Variants in RRH observed in about 807,000 individuals in gnomAD.
RRH encodes the protein retinal pigment epithelium-derived rhodopsin homolog.
A neutral mutation model predicts 33.1 loss-of-function variants in RRH; 36 were observed. The ratio of observed to expected loss-of-function variants is 1.09; its 90% CI spans 0.83 to 1.44. RRH has a LOEUF of 1.44. Ranked by LOEUF, RRH falls within the 40% of genes most tolerant of loss-of-function variation. The probability of loss-of-function intolerance (pLI) is 0.00; values close to 1 mark genes in which losing one functional copy is unlikely to be tolerated. For missense variants in RRH, 393 were observed against 420.2 expected (o/e 0.94, Z 0.57); for synonymous variants, 124 against 140.2 (o/e 0.88, Z 0.82).
chr4:109,833,301 G>A lies in RRH; in HGVS notation c.269G>A (p.Ser90Asn), dbSNP rs1055321752. The A allele has an allele frequency of 1.1e-5, 17 of 1,614,058 alleles. No homozygotes were observed. Among genetic ancestry groups the A allele is most frequent in the Non-Finnish European group, 1.2e-5 (14 of 1,179,966 alleles). The change falls in exon 2 of 7, where the codon AGT (serine) becomes AAT (asparagine). Residue 90 changes from serine to asparagine, a missense_variant. Physicochemically the swap from Ser to Asn is conservative, Grantham distance 46 (BLOSUM62 1). Coordinates refer to ENST00000317735, the MANE Select transcript of RRH (RefSeq NM_006583.5). ...PMSAASDLYG[S>N]WKFGYAGCQV... ...TCTGCTGCCTCAGATCTGTATGGAAGTTGGAAATTTGGATACGCAGGCTGT... is the reference window on the plus strand; with the variant it reads ...TCTGCTGCCTCAGATCTGTATGGAAATTGGAAATTTGGATACGCAGGCTGT...
rs139960740 is a variant in RRH, at chr4:109,838,809, A to G, written c.720+1204A>G. Among the ~76,000 whole-genome samples the G allele has an allele frequency of 2.8e-3, 420 of 152,224 alleles. 7 individuals carry two copies. The highest frequency in any genetic ancestry group is 9.7e-3 in the African/African-American group (403 of 41,528). On this transcript the variant is annotated intron_variant, in intron 5 of 6. Transcript: ENST00000317735. ...CTGTGGGTTCTCTCTGGAAGCTTAT[A>G]GGATCTTCTCTATGTCTCTAGTTTT...
At chr4:109,836,908 A>AG (rs1733897183) in intron 4 of RRH, among the ~76,000 whole-genome samples, 1 of 149,912 alleles carries the variant, frequency 6.7e-6, no homozygotes, top group Non-Finnish European at 1.5e-5. Context: ...AAAAAAAAAA[A>AG]AAAGCAGAGG....
At chr4:109,834,456 A>T (rs1178037594) in intron 2 of RRH, among the ~76,000 whole-genome samples, 1 of 147,800 alleles carries the variant, frequency 6.8e-6, no homozygotes, top group African/African-American at 2.5e-5. Flanking sequence ...CAGCCTCCCG[A>T]GTAGCTGGGA....
At chr4:109,839,189 AC>A (rs2125893945) in intron 5 of RRH, among the ~76,000 whole-genome samples, 2 of 151,416 alleles carry the variant, frequency 1.3e-5, no homozygotes, top group South Asian at 4.1e-4. Flanking sequence ...GTGAAGGCCA[AC>A]CCTTGGGTGC....
At position 109,837,613 on chromosome 4, in the gene RRH, A is replaced by G. The variant is rs4698795; in HGVS notation, c.720+8A>G. ...CAGATAGATGTAACAAAGGTAAGAG[A>G]TCAAAATCCTTGAAAAATTGTTGTC... is the stretch of plus-strand genomic sequence containing the variant. On this transcript the variant is annotated splice_region_variant and intron_variant, in intron 5 of 6. Transcript: ENST00000317735. 178,826 of 1,609,946 alleles carry G rather than the reference A, an allele frequency of 0.11. 10,655 individuals carry two copies. The highest frequency in any genetic ancestry group is 0.18 in the Admixed American group (10,931 of 59,824).
intron 1 of RRH, among the ~76,000 whole-genome samples, chr4:109,829,798 CA>C (rs1431867777): frequency 6.6e-6 from 1 of 152,138 alleles, no homozygotes; most frequent in Non-Finnish European, 1.5e-5. Context: ...TCAGCTTTAT[CA>C]AGGTATACAA....
intron 2 of RRH, 72 bp downstream of exon 2, chr4:109,833,401 A>G: frequency 8.3e-7 from 1 of 1,205,848 alleles, no homozygotes; most frequent in South Asian, 1.3e-5. Flanking sequence ...TCTAAAACGA[A>G]TCCCAAGAGT....
Position 109,828,128 on chromosome 4 carries a change from T to G in RRH, c.101T>G (p.Met34Arg), listed in dbSNP as rs112631694. The change falls in exon 1 of 7, where the codon ATG (methionine) becomes AGG (arginine). Residue 34 changes from methionine to arginine, a missense_variant. Met to Arg is a moderately conservative substitution (Grantham distance 91, BLOSUM62 -1). Coordinates refer to ENST00000317735, the MANE Select transcript of RRH (RefSeq NM_006583.5). The part of the protein sequence containing the change: ...EHNIVATYLI[M>R]AGMISIISNI... Reference sequence around the variant, plus strand: ...AATATTGTTGCAACTTACTTGATTATGGCAGGTATGGATATTTAAGTAAGT... The same window carrying G: ...AATATTGTTGCAACTTACTTGATTAGGGCAGGTATGGATATTTAAGTAAGT... The G allele has an allele frequency of 1.9e-6, 3 of 1,596,646 alleles. No individual in the cohort carries two copies. The highest frequency in any genetic ancestry group is 2.6e-6 in the Non-Finnish European group (3 of 1,164,322).
intron 1 of RRH, among the ~76,000 whole-genome samples, chr4:109,828,612 G>T (rs1436045038): frequency 6.6e-6 from 1 of 151,818 alleles, no homozygotes; most frequent in African/African-American, 2.4e-5. Context: ...GAACTTAAAG[G>T]TTCTGGAAAG....
At chr4:109,830,950 C>T (rs1245029289) in intron 1 of RRH, among the ~76,000 whole-genome samples, 1 of 152,134 alleles carries the variant, frequency 6.6e-6, no homozygotes, top group African/African-American at 2.4e-5. Flanking sequence ...TTTAGACTGA[C>T]TGTGAAATGG....
chr4:109,842,426 A>G, intron 5 of RRH, 43 bp from the exon 6 acceptor site: 3 of 1,552,166 alleles, frequency 1.9e-6, no homozygotes, highest in Non-Finnish European at 2.7e-6. Flanking sequence ...TAATATTTAA[A>G]TATTTTAGGT....
rs1364448569 is a variant in RRH at position 109,835,352 on chromosome 4, A to G, written c.298-14A>G. On this transcript the variant is annotated splice_polypyrimidine_tract_variant and intron_variant, in intron 2 of 6. Coordinates refer to ENST00000317735, the MANE Select transcript of RRH (RefSeq NM_006583.5). ...TGTTTAGAATGGTAGAGTCTTTTCA[A>G]TTTTGGTTTTCAGGTTTATGCTGGA... The G allele has an allele frequency of 1.3e-6, 2 of 1,588,624 alleles. No homozygotes were observed. The highest frequency in any genetic ancestry group is 8.6e-7 in the Non-Finnish European group (1 of 1,156,848).
intron 3 of RRH, 39 bp downstream of exon 3, chr4:109,835,504 C>G: frequency 7.3e-7 from 1 of 1,373,288 alleles, no homozygotes; most frequent in Non-Finnish European, 1.0e-6. Context: ...GAATCCATTT[C>G]TTGACTAATG....
At position 109,837,481 on chromosome 4, in the gene RRH, T is replaced by C. The variant is rs768756699; in HGVS notation, c.596T>C (p.Ile199Thr). The C allele has an allele frequency of 2.2e-5, 35 of 1,613,948 alleles. No homozygotes were observed. Among genetic ancestry groups the C allele is most frequent in the African/African-American group, 2.7e-5 (2 of 74,930 alleles). Residue 199 changes from isoleucine to threonine, a missense_variant, in exon 5 of 7, where the codon ATT (isoleucine) becomes ACT (threonine). Ile to Thr is a moderately conservative substitution (Grantham distance 89, BLOSUM62 -1). Coordinates refer to ENST00000317735, the MANE Select transcript of RRH (RefSeq NM_006583.5). ...YTMTVIAINF[I>T]VPLTVMFYCY... Reference sequence around the variant, plus strand: ...ATGACAGTTATTGCGATAAATTTTATTGTGCCCTTGACAGTGATGTTTTAC... The same window carrying C: ...ATGACAGTTATTGCGATAAATTTTACTGTGCCCTTGACAGTGATGTTTTAC...
At chr4:109,840,249 G>A (rs1733961583) in intron 5 of RRH, among the ~76,000 whole-genome samples, 1 of 151,074 alleles carries the variant, frequency 6.6e-6, no homozygotes, top group Non-Finnish European at 1.5e-5. Flanking sequence ...ATGTTTCTTG[G>A]CTGCATGTAT....
rs759147291 is a variant in RRH at position 109,842,617 on chromosome 4, A to G, written c.869A>G (p.Asn290Ser). ...TTTGCAAAATCTTCTACATTCTATA[A>G]CCCCTGCATTTATGTGGTTGCTAAT... ...PLFAKSSTFY[N>S]PCIYVVANKK... is the part of the protein sequence containing the mutation. Residue 290 changes from asparagine (N) to serine (S), a missense_variant, in exon 6 of 7, where the codon AAC (asparagine) becomes AGC (serine). By Grantham distance (46) the Asn-to-Ser change is conservative. Coordinates refer to ENST00000317735, the MANE Select transcript of RRH (RefSeq NM_006583.5). The G allele has an allele frequency of 1.2e-6, 2 of 1,613,900 alleles. No homozygotes were observed. The highest frequency in any genetic ancestry group is 8.5e-7 in the Non-Finnish European group (1 of 1,179,890).
Position 109,844,442 on chromosome 4 carries a change from C to T in RRH, c.*245C>T, listed in dbSNP as rs112106693. ...GAATTAGGCATCAGAGGTTAAGGTCCCCTTTCTTTCTCCCTATTATGGCAT... is the reference window on the plus strand; with the variant it reads ...GAATTAGGCATCAGAGGTTAAGGTCTCCTTTCTTTCTCCCTATTATGGCAT... On this transcript the variant is annotated 3_prime_UTR_variant, in exon 7 of 7. Transcript: ENST00000317735. The T allele has an allele frequency of 3.0e-3, 1,200 of 404,764 alleles. 11 individuals are homozygous for T. Among genetic ancestry groups the T allele is most frequent in the African/African-American group, 0.022 (1,079 of 48,566 alleles). 25.1% of individuals were successfully genotyped at this position (404,764 alleles called of 1,614,324 possible). A position where few individuals can be genotyped will look rare whatever the true frequency, so the allele number is the denominator to read the frequency against.
intron 6 of RRH, among the ~76,000 whole-genome samples, chr4:109,843,830 G>A (rs1167638108): frequency 1.3e-5 from 2 of 152,088 alleles, no homozygotes; most frequent in Non-Finnish European, 2.9e-5. Context: ...ACCTTTAACT[G>A]TACCATATAC....
intron 5 of RRH, among the ~76,000 whole-genome samples, chr4:109,842,187 G>A (rs919188954): frequency 7.2e-5 from 11 of 151,968 alleles, no homozygotes; most frequent in African/African-American, 2.2e-4. Context: ...CCCCTAGCAC[G>A]CAGAAAGAAA....
Sources: allele counts gnomAD v4.1 joint callset (sites outside exome capture counted in the v4.1 genomes callset), GRCh38; gene constraint gnomAD v4.1.1; transcripts MANE v1.5; gene names NCBI Gene and HGNC (gene_info 2026-07-23, HGNC 2026-07-21).